Variants in GDA observed in about 807,000 individuals in gnomAD.
GDA encodes the protein guanine deaminase.
A neutral mutation model predicts 59.6 loss-of-function variants in GDA; 18 were observed. The observed-to-expected ratio is 0.30, with a 90% CI of 0.21 to 0.45. The LOEUF is 0.45. Among genes scored for constraint, GDA ranks in the 20% least tolerant of loss-of-function variants. The pLI is 1.00. For synonymous variants in GDA, 201 were observed against 201.1 expected (o/e 1.00, Z 0.00); for missense variants, 427 against 552.3 (o/e 0.77, Z 2.27).
At chr9:72,225,377 T>C (rs1019535150) in intron 7 of GDA, among the ~76,000 whole-genome samples, 7 of 152,152 alleles carry the variant, frequency 4.6e-5, no homozygotes, top group Non-Finnish European at 1.0e-4. Flanking sequence ...GAGGTCAGAA[T>C]TTGAAAAGAC....
intron 1 of GDA, among the ~76,000 whole-genome samples, chr9:72,124,649 A>T (rs1825783367): frequency 6.6e-6 from 1 of 152,230 alleles, no homozygotes; most frequent in South Asian, 2.1e-4. Flanking sequence ...GGTGTATGAC[A>T]TCCACTAAAT....
At chr9:72,144,207 G>A (rs1227487785) in intron 1 of GDA, among the ~76,000 whole-genome samples, 2 of 152,138 alleles carry the variant, frequency 1.3e-5, no homozygotes, top group Admixed American at 6.5e-5. Flanking sequence ...GGGCAACAGA[G>A]TGAGACTCTA....
chr9:72,153,362 A>C (rs1284453738), intron 1 of GDA, among the ~76,000 whole-genome samples: 1 of 152,168 alleles, frequency 6.6e-6, no homozygotes, highest in Non-Finnish European at 1.5e-5. Flanking sequence ...AGAAATAGGA[A>C]TACTTTTACA....
chr9:72,248,244 A>T (rs747689140), intron 13 of GDA, 28 bp from the exon 14 acceptor site: 41 of 1,483,146 alleles, frequency 2.8e-5, no homozygotes, highest in Non-Finnish European at 3.8e-5. Context: ...AAAGGATTTT[A>T]TACATGATTC....
At chr9:72,247,020 C>T (rs886646809) in intron 12 of GDA, among the ~76,000 whole-genome samples, 1 of 152,058 alleles carries the variant, frequency 6.6e-6, no homozygotes. Context: ...AAGCCTAAAA[C>T]AAAACATAAC....
At chr9:72,131,800 G>A (rs1826036526) in intron 1 of GDA, among the ~76,000 whole-genome samples, 1 of 152,092 alleles carries the variant, frequency 6.6e-6, no homozygotes, top group Non-Finnish European at 1.5e-5. Flanking sequence ...GAAAATGCTC[G>A]ACTGCTATGG....
intron 11 of GDA, among the ~76,000 whole-genome samples, chr9:72,244,171 C>A (rs141072179): frequency 6.7e-6 from 1 of 148,890 alleles, no homozygotes; most frequent in Admixed American, 6.7e-5. Context: ...AGCAAGACTC[C>A]GTCTCAAAAA....
Position 72,208,566 on chromosome 9 carries a change from T to C in GDA, c.385-2121T>C, listed in dbSNP as rs1012076147. ...GTAATCTTGGCATTCTCTTTGCCTC[T>C]TTCCTGCGTTTAATGCCCACTCCCT... On this transcript the variant is annotated intron_variant, in intron 3 of 13. Transcript: ENST00000358399. Among the ~76,000 whole-genome samples, 35 of 152,230 alleles carry C rather than the reference T, an allele frequency of 2.3e-4. 2 individuals are homozygous for C. The highest frequency in any genetic ancestry group is 7.3e-5 in the Non-Finnish European group (5 of 68,044).
intron 1 of GDA, among the ~76,000 whole-genome samples, chr9:72,118,950 T>G (rs1024660992): frequency 2.0e-5 from 3 of 152,188 alleles, no homozygotes; most frequent in Admixed American, 6.6e-5. Context: ...CACTGATAAT[T>G]CAATAAATGT....
chr9:72,120,251 G>A (rs1193864546), intron 1 of GDA, among the ~76,000 whole-genome samples: 2 of 150,692 alleles, frequency 1.3e-5, no homozygotes, highest in African/African-American at 2.4e-5. Context: ...GTGGTGGCAC[G>A]ATCTCGGCTC....
At chr9:72,237,865 TC>T (rs1335645780) in intron 10 of GDA, among the ~76,000 whole-genome samples, 1 of 152,036 alleles carries the variant, frequency 6.6e-6, no homozygotes, top group Admixed American at 6.6e-5. Flanking sequence ...CCTTGAACCA[TC>T]CCCTTTCCCC....
At chr9:72,233,068 C>T (rs1013142543) in intron 10 of GDA, among the ~76,000 whole-genome samples, 7 of 152,050 alleles carry the variant, frequency 4.6e-5, no homozygotes, top group African/African-American at 1.7e-4. Flanking sequence ...GTCCTTTTTG[C>T]AATTTAGTCA....
At chr9:72,143,203 C>T (rs1002891750) in intron 1 of GDA, among the ~76,000 whole-genome samples, 3 of 148,908 alleles carry the variant, frequency 2.0e-5, no homozygotes, top group Non-Finnish European at 3.0e-5. Context: ...GATCTCGGCT[C>T]ACTGCAACCT....
chr9:72,184,050 A>T (rs1232189017), intron 1 of GDA, among the ~76,000 whole-genome samples: 1 of 152,188 alleles, frequency 6.6e-6, no homozygotes, highest in African/African-American at 2.4e-5. Flanking sequence ...TCTTTTAAAA[A>T]TTTAATTTTT....
At chr9:72,212,162 C>G (rs1835454162) in intron 4 of GDA, among the ~76,000 whole-genome samples, 1 of 152,126 alleles carries the variant, frequency 6.6e-6, no homozygotes, top group African/African-American at 2.4e-5. Context: ...TAAAATTCCT[C>G]ACAGATAATA....
intron 1 of GDA, among the ~76,000 whole-genome samples, chr9:72,166,613 G>A (rs1193048701): frequency 6.6e-6 from 1 of 152,100 alleles, no homozygotes; most frequent in African/African-American, 2.4e-5. Flanking sequence ...TTCTATGCAT[G>A]TAACAAATAT....
intron 6 of GDA, 90 bp from the exon 7 acceptor site, chr9:72,223,030 C>A: frequency 1.4e-6 from 1 of 711,436 alleles, no homozygotes; most frequent in Non-Finnish European, 2.5e-6. Flanking sequence ...TTATAGTTTT[C>A]GGTTTTACAT....
In GDA at chr9:72,250,256, A is replaced by G; in HGVS notation, c.*1914A>G. Reference sequence around the variant, plus strand: ...AGATGTGTAAGATTCACTTACAGGCAGTAGCTGCTTCTAGCATTTGCAAGA... The same window carrying G: ...AGATGTGTAAGATTCACTTACAGGCGGTAGCTGCTTCTAGCATTTGCAAGA... On this transcript the variant is annotated 3_prime_UTR_variant, in exon 14 of 14. Coordinates refer to ENST00000358399, the MANE Select transcript of GDA (RefSeq NM_004293.5). The G allele has an allele frequency of 1.0e-6, 1 of 994,928 alleles. No individual in the cohort carries two copies. The highest frequency in any genetic ancestry group is 1.2e-6 in the Non-Finnish European group (1 of 836,322). 61.6% of individuals were successfully genotyped at this position (994,928 alleles called of 1,614,324 possible).
At chr9:72,183,485 G>T (rs1480369350) in intron 1 of GDA, among the ~76,000 whole-genome samples, 1 of 152,106 alleles carries the variant, frequency 6.6e-6, no homozygotes, top group Non-Finnish European at 1.5e-5. Context: ...AAGGCACAAA[G>T]AAATAGTTTA....
Sources: gnomAD v4.1 joint callset for allele counts (sites outside exome capture counted in the v4.1 genomes callset) on GRCh38, gnomAD v4.1.1 for gene constraint, MANE v1.5 for transcripts, NCBI Gene and HGNC (gene_info 2026-07-23, HGNC 2026-07-21) for gene names.